Variants in MROH2B observed in about 807,000 individuals in gnomAD.
MROH2B encodes the protein maestro heat like repeat family member 2B, also known as maestro heat-like repeat-containing protein family member 2B.
In MROH2B, 177 loss-of-function variants were observed where a neutral mutation model predicts 208.6. The ratio of observed to expected loss-of-function variants is 0.85; its 90% CI spans 0.75 to 0.96. MROH2B has a LOEUF of 0.96. Ranked by LOEUF, MROH2B falls within the 40% of genes least tolerant of loss-of-function variation. The pLI, the probability that MROH2B is intolerant of heterozygous loss-of-function variation, is 0.00. For synonymous variants in MROH2B, 728 were observed against 659.0 expected (o/e 1.10, Z -1.60); for missense variants, 2,002 against 1,878.7 (o/e 1.07, Z -1.21).
chr5:41,034,171 GGT>G lies in MROH2B; in HGVS notation c.2215-309_2215-308del, dbSNP rs1040347359. On this transcript the variant is annotated intron_variant, in intron 21 of 41. Coordinates refer to ENST00000399564, the MANE Select transcript of MROH2B (RefSeq NM_173489.5). Reference sequence around the variant, plus strand: ...ATTTTAAAGAGGCTCAACAGACTTTGGTAAGGAAAAAGGGTAAAGGCTCTTAG... The same window carrying G: ...ATTTTAAAGAGGCTCAACAGACTTTGAAGGAAAAAGGGTAAAGGCTCTTAG... The G allele has an allele frequency of 7.5e-6, 5 of 669,200 alleles. No individual in the cohort carries two copies. The African/African-American group carries it at 9.7e-5, about 13-fold the overall frequency. 41.5% of individuals were successfully genotyped at this position (669,200 alleles called of 1,614,324 possible).
intron 18 of MROH2B, among the ~76,000 whole-genome samples, chr5:41,043,170 G>C (rs1344627651): frequency 6.6e-6 from 1 of 152,178 alleles, no homozygotes; most frequent in Non-Finnish European, 1.5e-5. Context: ...ACATTCAGGA[G>C]TAATGTGCAT....
At chr5:41,067,684 G>A (rs191368705) in intron 2 of MROH2B, among the ~76,000 whole-genome samples, 1 of 152,186 alleles carries the variant, frequency 6.6e-6, no homozygotes. Flanking sequence ...GAGGCTTTCT[G>A]AACATAACAT....
At position 41,057,313 on chromosome 5, in the gene MROH2B, A is replaced by G; in HGVS notation, c.804T>C (p.Leu268=). The change falls in exon 8 of 42, where the codon CTT becomes CTC. Residue 268 remains leucine (L), a synonymous_variant. Coordinates refer to ENST00000399564, the MANE Select transcript of MROH2B (RefSeq NM_173489.5). ...AGATGGATCTTCTCAAGCTCCTTGGAAGGCCAATGTCATAAAGAACTGCTG... is the reference window on the plus strand; with the variant it reads ...AGATGGATCTTCTCAAGCTCCTTGGGAGGCCAATGTCATAAAGAACTGCTG... The part of the protein sequence containing the change: ...LTAAVLYDIG[L]PRSLRRSIFI... The G allele has an allele frequency of 6.3e-7, 1 of 1,593,124 alleles. No homozygotes were observed. The highest frequency in any genetic ancestry group is 8.6e-7 in the Non-Finnish European group (1 of 1,168,924).
intron 30 of MROH2B, 65 bp from the exon 31 acceptor site, chr5:41,010,144 A>G (rs1741729811): frequency 6.6e-7 from 1 of 1,515,754 alleles, no homozygotes; most frequent in East Asian, 2.3e-5. Context: ...ATGACTCAGA[A>G]CAGGTATCTG....
At chr5:41,008,201 G>T in intron 33 of MROH2B, among the ~76,000 whole-genome samples, 1 of 152,056 alleles carries the variant, frequency 6.6e-6, no homozygotes, top group Non-Finnish European at 1.5e-5. Flanking sequence ...TTTTCTCAAT[G>T]GTATGCAAAA....
intron 24 of MROH2B, among the ~76,000 whole-genome samples, chr5:41,029,661 C>T (rs1742498655): frequency 6.6e-6 from 1 of 152,092 alleles, no homozygotes; most frequent in African/African-American, 2.4e-5. Context: ...AGAGTTAAAA[C>T]TATTAAACTC....
intron 26 of MROH2B, 107 bp downstream of exon 26, chr5:41,018,584 G>C: frequency 6.9e-7 from 1 of 1,445,362 alleles, no homozygotes; most frequent in South Asian, 1.3e-5. Flanking sequence ...GTGTGGGTGG[G>C]TCCAGCTGGA....
intron 5 of MROH2B, among the ~76,000 whole-genome samples, chr5:41,063,719 G>A (rs16870767): frequency 0.022 from 3,283 of 152,264 alleles, 124 homozygotes; most frequent in African/African-American, 0.074. Flanking sequence ...GATGTTTTTA[G>A]AGTTGAAACT....
At chr5:41,036,300 C>T (rs1164260991) in intron 21 of MROH2B, among the ~76,000 whole-genome samples, 1 of 152,046 alleles carries the variant, frequency 6.6e-6, no homozygotes, top group African/African-American at 2.4e-5. Flanking sequence ...GTGAATAAGT[C>T]TCATGAGATC....
rs373026713 is a variant in MROH2B, at chr5:41,049,272, G to A, written c.1501+8C>T. 98 of 1,612,836 alleles carry A rather than the reference G, an allele frequency of 6.1e-5. No homozygotes were observed. The highest frequency in any genetic ancestry group is 7.8e-5 in the Non-Finnish European group (92 of 1,179,480). The stretch of plus-strand genomic sequence containing the variant: ...GAAAAGCTTTTCTGTGTTTATGAAT[G>A]TACAGACCAGCTCCTGTAGAGACGA... On this transcript the variant is annotated splice_region_variant and intron_variant, in intron 14 of 41. Transcript: ENST00000399564.
At chr5:41,032,614 C>T (rs373639815) in intron 24 of MROH2B, 128 bp downstream of exon 24, 43 of 736,162 alleles carry the variant, frequency 5.8e-5, no homozygotes, top group African/African-American at 4.8e-4. Flanking sequence ...CAGTTTGAAG[C>T]TCCCATTAAT....
At chr5:41,010,894 C>T (rs1292303451) in intron 30 of MROH2B, among the ~76,000 whole-genome samples, 1 of 152,144 alleles carries the variant, frequency 6.6e-6, no homozygotes, top group African/African-American at 2.4e-5. Context: ...TAGATGGGAA[C>T]TGTGCTTAAT....
rs325849 is a variant in MROH2B, at chr5:41,038,898, A to T, written c.2062-10T>A. On this transcript the variant is annotated splice_polypyrimidine_tract_variant and intron_variant, in intron 20 of 41. Transcript: ENST00000399564. ...TCCCAGAAAAAAGGCTCTGAAGACC[A>T]GGAAAGGGAGACATGAAAAATGTGA... The T allele has an allele frequency of 6.3e-7, 1 of 1,590,632 alleles. No homozygotes were observed. Among genetic ancestry groups the T allele is most frequent in the East Asian group, 2.2e-5 (1 of 44,664 alleles).
intron 29 of MROH2B, among the ~76,000 whole-genome samples, chr5:41,012,995 C>G (rs1741822605): frequency 6.6e-6 from 1 of 152,200 alleles, no homozygotes; most frequent in South Asian, 2.1e-4. Flanking sequence ...GCAATTTTCT[C>G]TCCAAGCCTA....
At position 40,999,790 on chromosome 5, in the gene MROH2B, T is replaced by C. The variant is rs773559515; in HGVS notation, c.4483-11A>G. 36 of 1,609,962 alleles carry C rather than the reference T, an allele frequency of 2.2e-5. No homozygotes were observed. The highest frequency in any genetic ancestry group is 2.9e-5 in the Non-Finnish European group (34 of 1,177,316). The stretch of plus-strand genomic sequence containing the variant: ...CTGGTTTTTCTTGGCCTAGAAGAGA[T>C]GTGAATTTCAAAGAGGGCAACTGGA... On this transcript the variant is annotated splice_polypyrimidine_tract_variant and intron_variant, in intron 39 of 41. Transcript: ENST00000399564.
intron 33 of MROH2B, 145 bp downstream of exon 33, chr5:41,008,461 A>T: frequency 1.2e-6 from 1 of 830,704 alleles, no homozygotes; most frequent in Non-Finnish European, 1.8e-6. Flanking sequence ...GTCACGGCTT[A>T]GGGAGAGTAG....
chr5:41,052,717 G>C (rs1328538255), intron 11 of MROH2B, 130 bp from the exon 12 acceptor site: 3 of 768,656 alleles, frequency 3.9e-6, no homozygotes, highest in Non-Finnish European at 5.5e-6. Flanking sequence ...AAATTGAATA[G>C]TGTTAATACA....
Position 41,009,998 on chromosome 5 carries a change from C to A in MROH2B, c.3217G>T (p.Ala1073Ser). The change falls in exon 31 of 42, where the codon GCC (alanine) becomes TCC (serine). Residue 1073 changes from alanine to serine, a missense_variant. Ala to Ser is a moderately conservative substitution (Grantham distance 99). Coordinates refer to ENST00000399564, the MANE Select transcript of MROH2B (RefSeq NM_173489.5). ...TGAAAGCTGGCTATCTGGGAGATGG[C>A]TTCTAGAATGAACTGAAAACTTTCT... ...KEESFQFILEAISQIASFHMD... is the reference protein window; with the variant it reads ...KEESFQFILESISQIASFHMD... The A allele has an allele frequency of 6.2e-7, 1 of 1,613,868 alleles. No individual in the cohort carries two copies. Among genetic ancestry groups the A allele is most frequent in the Non-Finnish European group, 8.5e-7 (1 of 1,179,810 alleles).
intron 2 of MROH2B, among the ~76,000 whole-genome samples, chr5:41,068,929 C>T (rs964665881): frequency 6.6e-6 from 1 of 152,100 alleles, no homozygotes; most frequent in African/African-American, 2.4e-5. Context: ...CTAAGGGATT[C>T]TAATATATGG....
Sources: gnomAD v4.1 joint callset for allele counts (sites outside exome capture counted in the v4.1 genomes callset) on GRCh38, gnomAD v4.1.1 for gene constraint, MANE v1.5 for transcripts, NCBI Gene and HGNC (gene_info 2026-07-23, HGNC 2026-07-21) for gene names.